The following JMJD1C variants were observed in gnomAD, a reference collection of about 807,000 sequenced individuals.
The protein encoded by JMJD1C is jumonji domain-containing protein 1C.
JMJD1C carries 31 observed loss-of-function variants against 245.3 expected under a neutral mutation model. The observed-to-expected ratio is 0.13, with a 90% CI of 0.09 to 0.17. The LOEUF (loss-of-function observed/expected upper bound fraction) is 0.17, where lower values mean the gene tolerates loss of function less well. JMJD1C is among the 10% of genes least tolerant of loss of function. The pLI, the probability that JMJD1C is intolerant of heterozygous loss-of-function variation, is 1.00. For missense variants in JMJD1C, 2,691 were observed against 3,000.2 expected (o/e 0.90, Z 2.41); for synonymous variants, 1,057 against 1,017.4 (o/e 1.04, Z -0.74).
At chr10:63,335,185 G>A (rs1942592841) in intron 2 of JMJD1C, among the ~76,000 whole-genome samples, 1 of 152,090 alleles carries the variant, frequency 6.6e-6, no homozygotes, top group East Asian at 1.9e-4. Flanking sequence ...AGAGATTGTT[G>A]TTCCAGGTCA....
At chr10:63,177,071 C>T (rs910374717) in intron 23 of JMJD1C, 3 of 151,878 alleles carry the variant, frequency 2.0e-5, no homozygotes, top group Non-Finnish European at 2.9e-5. Flanking sequence ...ACATTGATCA[C>T]AGACAGAACT....
intron 1 of JMJD1C, among the ~76,000 whole-genome samples, chr10:63,501,708 G>A (rs772842490): frequency 1.3e-5 from 2 of 152,032 alleles, no homozygotes; most frequent in Non-Finnish European, 1.5e-5. Context: ...CCCAGGAGGC[G>A]GTGCTTGCAG....
intron 1 of JMJD1C, among the ~76,000 whole-genome samples, chr10:63,505,109 G>A (rs939714749): frequency 1.3e-5 from 2 of 152,086 alleles, no homozygotes; most frequent in Non-Finnish European, 2.9e-5. Context: ...TCAGGAGATC[G>A]AGACCATCCT....
intron 2 of JMJD1C, among the ~76,000 whole-genome samples, chr10:63,352,069 A>G (rs1702741324): frequency 6.6e-6 from 1 of 152,216 alleles, no homozygotes; most frequent in Non-Finnish European, 1.5e-5. Context: ...ACACAAGGAA[A>G]CAAGGTCACA....
intron 2 of JMJD1C, among the ~76,000 whole-genome samples, chr10:63,327,671 A>C: frequency 6.7e-6 from 1 of 149,896 alleles, no homozygotes; most frequent in East Asian, 2.0e-4. Context: ...ACACAGAAAA[A>C]ATTTTTTTTT....
chr10:63,256,832 G>A (rs1009177900), intron 3 of JMJD1C, among the ~76,000 whole-genome samples: 15 of 152,150 alleles, frequency 9.9e-5, no homozygotes, highest in African/African-American at 3.6e-4. Flanking sequence ...TTAATCAAAT[G>A]TTAAAATGAA....
At chr10:63,453,083 T>C (rs1057283714) in intron 1 of JMJD1C, among the ~76,000 whole-genome samples, 1 of 152,158 alleles carries the variant, frequency 6.6e-6, no homozygotes, top group Admixed American at 6.6e-5. Context: ...GAGACTAGCC[T>C]GGCAAACAGA....
intron 1 of JMJD1C, among the ~76,000 whole-genome samples, chr10:63,429,557 T>C (rs1376617828): frequency 6.6e-6 from 1 of 152,188 alleles, no homozygotes; most frequent in Non-Finnish European, 1.5e-5. Context: ...ACGAGTTGCT[T>C]TGATACAATG....
At chr10:63,186,796 G>C (rs533197028) in intron 18 of JMJD1C, among the ~76,000 whole-genome samples, 30 of 152,290 alleles carry the variant, frequency 2.0e-4, no homozygotes, top group African/African-American at 7.2e-4. Context: ...AAGAACATCT[G>C]ATGTATTATT....
At chr10:63,237,870 CA>C (rs1850933589) in intron 3 of JMJD1C, among the ~76,000 whole-genome samples, 1 of 151,226 alleles carries the variant, frequency 6.6e-6, no homozygotes, top group Non-Finnish European at 1.5e-5. Flanking sequence ...TGTTAAATTA[CA>C]CAAAAAGAAA....
At chr10:63,367,815 T>C (rs1480154811) in intron 2 of JMJD1C, among the ~76,000 whole-genome samples, 1 of 152,154 alleles carries the variant, frequency 6.6e-6, no homozygotes, top group Non-Finnish European at 1.5e-5. Flanking sequence ...TGGAAAGACA[T>C]AACAACACAA....
chr10:63,210,521 G>T (rs879390414), intron 8 of JMJD1C, among the ~76,000 whole-genome samples: 10 of 152,058 alleles, frequency 6.6e-5, no homozygotes, highest in Non-Finnish European at 1.2e-4. Context: ...ATATACATGT[G>T]ACACATACTG....
At position 63,420,714 on chromosome 10, in the gene JMJD1C, CA is replaced by C. The variant is rs35090799; in HGVS notation, c.169-40233del. 9.3e-3 allele frequency among the ~76,000 whole-genome samples: 442 copies of C among 47,696 alleles called. 1 individual carries two copies. Among genetic ancestry groups the C allele is most frequent in the East Asian group, 0.012 (23 of 1,904 alleles). The allele number at this position is 47,696 out of a possible 152,430, so 31.3% of individuals were successfully genotyped here. ...TGGGTAACAAAACGAGACCCAGTCT[CA>C]AAAAAAAAAAAAAAAAAAAAGGAGG... On this transcript the variant is annotated intron_variant, in intron 1 of 25. Transcript: ENST00000399262.
intron 22 of JMJD1C, among the ~76,000 whole-genome samples, chr10:63,183,053 G>A: frequency 6.6e-6 from 1 of 152,078 alleles, no homozygotes; most frequent in Non-Finnish European, 1.5e-5. Context: ...TAGAGACAGG[G>A]TTATAGCATG....
chr10:63,398,951 G>C (rs1948683577), intron 1 of JMJD1C, among the ~76,000 whole-genome samples: 1 of 152,128 alleles, frequency 6.6e-6, no homozygotes, highest in Non-Finnish European at 1.5e-5. Context: ...CTGGCCACTG[G>C]AATATATTTT....
intron 1 of JMJD1C, among the ~76,000 whole-genome samples, chr10:63,400,836 T>G (rs1948805250): frequency 6.6e-6 from 1 of 151,618 alleles, no homozygotes; most frequent in African/African-American, 2.4e-5. Flanking sequence ...CCTCCCAAAG[T>G]GCTGGGATTA....
At chr10:63,290,001 C>G (rs2133933449) in intron 2 of JMJD1C, among the ~76,000 whole-genome samples, 1 of 151,874 alleles carries the variant, frequency 6.6e-6, no homozygotes. Flanking sequence ...TGAACAAAAT[C>G]AAATATTACA....
chr10:63,365,493 AG>A (rs1170720589), intron 2 of JMJD1C, among the ~76,000 whole-genome samples: 3 of 152,196 alleles, frequency 2.0e-5, no homozygotes, highest in African/African-American at 7.2e-5. Flanking sequence ...AATTCAGGCC[AG>A]GTGCAGTGGC....
intron 1 of JMJD1C, among the ~76,000 whole-genome samples, chr10:63,508,112 T>C (rs867967436): frequency 6.6e-6 from 1 of 152,206 alleles, no homozygotes; most frequent in Non-Finnish European, 1.5e-5. Flanking sequence ...TATCAATGAC[T>C]TTCTAGATAC....
Sources: allele counts gnomAD v4.1 joint callset (sites outside exome capture counted in the v4.1 genomes callset), GRCh38; gene constraint gnomAD v4.1.1; transcripts MANE v1.5; gene names NCBI Gene and HGNC (gene_info 2026-07-23, HGNC 2026-07-21).